ADAM15: variants seen among roughly 807,000 people sequenced by gnomAD.
ADAM15 encodes the protein disintegrin and metalloproteinase domain-containing protein 15.
A neutral mutation model predicts 113.8 loss-of-function variants in ADAM15; 77 were observed. That is an observed-to-expected ratio of 0.68 (90% CI 0.56 to 0.82). The LOEUF (loss-of-function observed/expected upper bound fraction) is 0.82. Ranked by LOEUF, ADAM15 falls within the 40% of genes least tolerant of loss-of-function variation. The pLI is 0.00. For missense variants in ADAM15, 963 were observed against 1,120.1 expected, an observed-to-expected ratio of 0.86 and a Z score of 2.00; for synonymous variants, 388 against 454.1, an observed-to-expected ratio of 0.85 and a Z score of 1.85.
intron 17 of ADAM15, 35 bp downstream of exon 17, chr1:155,060,009 G>C (rs770892940): frequency 6.2e-7 from 1 of 1,611,508 alleles, no homozygotes; most frequent in South Asian, 1.1e-5. Flanking sequence ...GCAGCTGGGA[G>C]GGCAAAGCGT....
chr1:155,058,000 G>T lies in ADAM15; in HGVS notation c.1566G>T (p.Gly522=), dbSNP rs1392441722. 2 of 1,613,654 alleles carry T rather than the reference G, an allele frequency of 1.2e-6. No homozygotes were observed. Among genetic ancestry groups the T allele is most frequent in the East Asian group, 4.5e-5 (2 of 44,884 alleles). The part of the protein sequence containing the change: ...CAGGQAVCMH[G]RCASYAQQCQ... ...GCGGGCAAGCTGTGTGCATGCACGG[G>T]CGTTGTGCCTCCTATGCCCAGCAGT... The change falls in exon 14 of 23, where the codon GGG becomes GGT. Residue 522 remains glycine, a synonymous_variant. Coordinates refer to ENST00000356955, the MANE Select transcript of ADAM15 (RefSeq NM_207197.3). This position sits in a 1 kb window ranked among gnomAD's most constrained non-coding sequence, Gnocchi z 5.0.
chr1:155,060,789 G>T lies in ADAM15; in HGVS notation c.2234G>T (p.Arg745Leu), dbSNP rs146469436. ...GCAGCCCAATCTGGTCCCTCTGAAC[G>T]GCCAGGACCTCCGCAGAGGGCCCTG... ...YRAAQSGPSE[R>L]PGPPQRALLA... Residue 745 changes from arginine (R) to leucine (L), a missense_variant, in exon 19 of 23, where the codon CGG (arginine) becomes CTG (leucine). Physicochemically the swap from Arg to Leu is moderately radical, Grantham distance 102. Transcript: ENST00000356955. The T allele has an allele frequency of 1.9e-6, 3 of 1,613,450 alleles. No individual in the cohort carries two copies. In the East Asian group the frequency reaches 6.7e-5, roughly 36 times the overall value.
chr1:155,052,885 T>G, intron 2 of ADAM15, 108 bp downstream of exon 2: 2 of 1,431,088 alleles, frequency 1.4e-6, no homozygotes, highest in Middle Eastern at 2.5e-4. Context: ...TAGAGCTCAC[T>G]GTAGTGGGTC....
At chr1:155,052,845 A>G in intron 2 of ADAM15, 68 bp downstream of exon 2, 4 of 1,527,940 alleles carry the variant, frequency 2.6e-6, no homozygotes, top group Non-Finnish European at 3.5e-6. Flanking sequence ...AGGTGTCTCA[A>G]AGCCAAAGCT....
chr1:155,058,160 G>C lies in ADAM15; in HGVS notation c.1721+5G>C. Reference sequence around the variant, plus strand: ...TTATGTGTCCTGCACCCCTAGGTAAGTGAGGAAACCTGGCTCCTCCTTTGG... The same window carrying C: ...TTATGTGTCCTGCACCCCTAGGTAACTGAGGAAACCTGGCTCCTCCTTTGG... On this transcript the variant is annotated splice_donor_5th_base_variant and intron_variant, in intron 14 of 22. Transcript: ENST00000356955. The surrounding 1 kb of genome is among the most constrained non-coding windows in gnomAD (Gnocchi z 4.3). The C allele has an allele frequency of 6.2e-7, 1 of 1,611,332 alleles. No homozygotes were observed. Among genetic ancestry groups the C allele is most frequent in the South Asian group, 1.1e-5 (1 of 91,004 alleles).
chr1:155,061,634 G>T lies in ADAM15; in HGVS notation c.2352+145G>T. On this transcript the variant is annotated intron_variant, in intron 20 of 22. Transcript: ENST00000356955. ...CAGCCTTCAGACACTCTGAGCCCCAGAAGCAGCAAAGGGTGAGCCTCCTGC... is the reference window on the plus strand; with the variant it reads ...CAGCCTTCAGACACTCTGAGCCCCATAAGCAGCAAAGGGTGAGCCTCCTGC... 5 of 955,404 alleles carry T rather than the reference G, an allele frequency of 5.2e-6. No homozygotes were observed. In the South Asian group the frequency reaches 6.6e-5, roughly 13 times the overall value. The allele number at this position is 955,404 out of a possible 1,614,324, so 59.2% of individuals were successfully genotyped here.
chr1:155,059,851 G>C, intron 16 of ADAM15, 51 bp from the exon 17 acceptor site: 1 of 1,575,266 alleles, frequency 6.3e-7, no homozygotes, highest in Non-Finnish European at 8.7e-7. Flanking sequence ...TAGAGACAAG[G>C]AAATAGTTCC....
intron 17 of ADAM15, 29 bp downstream of exon 17, chr1:155,060,003 C>G: frequency 6.2e-7 from 1 of 1,612,210 alleles, no homozygotes; most frequent in Non-Finnish European, 8.5e-7. Context: ...ACAGGGGCAG[C>G]TGGGAGGGCA....
In ADAM15 at chr1:155,061,173, G is replaced by A. The variant is rs1662542016; in HGVS notation, c.2278-242G>A. On this transcript the variant is annotated intron_variant, in intron 19 of 22. Coordinates refer to ENST00000356955, the MANE Select transcript of ADAM15 (RefSeq NM_207197.3). ...TCAGAATGGCCTTCCGTAGGCCCAGGTCACCATGTTAGAAGGGCTGGTGAG... is the reference window on the plus strand; with the variant it reads ...TCAGAATGGCCTTCCGTAGGCCCAGATCACCATGTTAGAAGGGCTGGTGAG... The A allele has an allele frequency of 6.9e-6, 4 of 579,592 alleles. No homozygotes were observed. In the South Asian group the frequency reaches 8.5e-5, roughly 12 times the overall value. The allele number at this position is 579,592 out of a possible 1,614,324, so 35.9% of individuals were successfully genotyped here.
chr1:155,052,673 G>A lies in ADAM15; in HGVS notation c.82G>A (p.Gly28Ser), dbSNP rs750925838. 2 of 1,604,384 alleles carry A rather than the reference G, an allele frequency of 1.2e-6. No individual in the cohort carries two copies. Among genetic ancestry groups the A allele is most frequent in the Non-Finnish European group, 1.7e-6 (2 of 1,176,404 alleles). The change falls in exon 2 of 23, where the codon GGC (glycine) becomes AGC (serine). Residue 28 changes from glycine to serine, a missense_variant and splice_region_variant. Transcript: ENST00000356955. ...TTGGGGTGTCCTGGGACCTGCAGGT[G>A]GCACTGAGGAGCAGCAGGCAGAGTC... Reference protein sequence around the residue: ...LPSWPLPNIGGTEEQQAESEK... With the variant: ...LPSWPLPNIGSTEEQQAESEK...
chr1:155,052,304 G>A, intron 1 of ADAM15: 1 of 599,988 alleles, frequency 1.7e-6, no homozygotes, highest in Non-Finnish European at 2.9e-6. Flanking sequence ...CGGCCACAAG[G>A]CTTAGCTCAG....
chr1:155,060,650 C>T, intron 18 of ADAM15, 113 bp from the exon 19 acceptor site: 1 of 1,171,468 alleles, frequency 8.5e-7, no homozygotes, highest in African/African-American at 1.5e-5. Flanking sequence ...CACAATTTTA[C>T]CTAAACCACA....
rs746871155 is a variant in ADAM15, at chr1:155,057,615, G to GC, written c.1324-17dup. The GC allele has an allele frequency of 6.2e-7, 1 of 1,613,262 alleles. No individual in the cohort carries two copies. Among genetic ancestry groups the GC allele is most frequent in the Non-Finnish European group, 8.5e-7 (1 of 1,179,372 alleles). ...CAGGCCCCACCTGCTCTGATGCCCG[G>GC]CCCCCGTGCTCCTGCCCACAGGACT... On this transcript the variant is annotated intron_variant, in intron 12 of 22. Transcript: ENST00000356955. The surrounding 1 kb of genome is among the most constrained non-coding windows in gnomAD (Gnocchi z 5.0).
rs1662737200 is a variant in ADAM15, at chr1:155,062,183, G to T, written c.2425-62G>T. The stretch of plus-strand genomic sequence containing the variant: ...AGCTGGTGTTCCCCAGCACCAGTGC[G>T]TTGGGGGTGGGCAACATGACACCCC... On this transcript the variant is annotated intron_variant, in intron 21 of 22. Coordinates refer to ENST00000356955, the MANE Select transcript of ADAM15 (RefSeq NM_207197.3). This position sits in a 1 kb window ranked among gnomAD's most constrained non-coding sequence, Gnocchi z 7.0. 2 of 1,446,032 alleles carry T rather than the reference G, an allele frequency of 1.4e-6. No homozygotes were observed. Among genetic ancestry groups the T allele is most frequent in the Non-Finnish European group, 9.1e-7 (1 of 1,096,650 alleles). The allele number at this position is 1,446,032 out of a possible 1,614,324, so 89.6% of individuals were successfully genotyped here. A position where few individuals can be genotyped will look rare whatever the true frequency, so the allele number is the denominator to read the frequency against.
Position 155,062,008 on chromosome 1 carries a change from T to TC in ADAM15, c.2424+39dup. 6.6e-7 allele frequency: 1 copy of TC among 1,512,970 alleles called. No individual in the cohort carries two copies. Among genetic ancestry groups the TC allele is most frequent in the Admixed American group, 2.2e-5 (1 of 44,726 alleles). The allele number at this position is 1,512,970 out of a possible 1,614,324, so 93.7% of individuals were successfully genotyped here. A position where few individuals can be genotyped will look rare whatever the true frequency, so the allele number is the denominator to read the frequency against. On this transcript the variant is annotated intron_variant, in intron 21 of 22. Transcript: ENST00000356955. This position sits in a 1 kb window ranked among gnomAD's most constrained non-coding sequence, Gnocchi z 7.0. The stretch of plus-strand genomic sequence containing the variant: ...TGGGGGGAGAGAAGGGCACGGCCTC[T>TC]CCCCCCACCTAGGGCTGTGGTGCTG...
chr1:155,061,718 G>T, intron 20 of ADAM15, 186 bp from the exon 21 acceptor site: 1 of 797,756 alleles, frequency 1.3e-6, no homozygotes, highest in Non-Finnish European at 2.0e-6. Context: ...CAGGGACTGC[G>T]GTTGACCTAC....
chr1:155,058,572 T>G lies in ADAM15; in HGVS notation c.1917+131T>G, dbSNP rs1662109462. 1 of 1,549,854 alleles carries G rather than the reference T, an allele frequency of 6.5e-7. No individual in the cohort carries two copies. Among genetic ancestry groups the G allele is most frequent in the Admixed American group, 2.0e-5 (1 of 51,036 alleles). The stretch of plus-strand genomic sequence containing the variant: ...AGGGAAGTCAGTTTCTTACTTCAGA[T>G]GGAGCAAAGTCCTATCAACTCACTA... On this transcript the variant is annotated intron_variant, in intron 15 of 22. Transcript: ENST00000356955. The surrounding 1 kb of genome is among the most constrained non-coding windows in gnomAD (Gnocchi z 4.3).
In ADAM15 at chr1:155,055,965, A is replaced by C; in HGVS notation, c.709A>C (p.Asn237His). The part of the protein sequence containing the change: ...QKYRDFQHLL[N>H]RTLEVALLLD... ...ATACCGGGACTTCCAGCACCTGCTA[A>C]ACCGCACACTGGAAGTGGCCCTCTT... is the stretch of plus-strand genomic sequence containing the variant. Residue 237 changes from asparagine (N) to histidine (H), a missense_variant, in exon 8 of 23, where the codon AAC becomes CAC. Physicochemically the swap from Asn to His is moderately conservative, Grantham distance 68. Transcript: ENST00000356955. The C allele has an allele frequency of 6.2e-7, 1 of 1,614,158 alleles. No homozygotes were observed. The highest frequency in any genetic ancestry group is 8.5e-7 in the Non-Finnish European group (1 of 1,180,038).
intron 16 of ADAM15, among the ~76,000 whole-genome samples, chr1:155,059,145 G>A (rs536833230): frequency 1.6e-4 from 24 of 152,234 alleles, no homozygotes; most frequent in African/African-American, 4.8e-4. Flanking sequence ...TCGGCTCACT[G>A]CAACCTCTGC....
Sources: allele counts gnomAD v4.1 joint callset (sites outside exome capture counted in the v4.1 genomes callset), GRCh38; gene constraint gnomAD v4.1.1; non-coding constraint Gnocchi (gnomAD v3.1); transcripts MANE v1.5; gene names NCBI Gene and HGNC (gene_info 2026-07-23, HGNC 2026-07-21).